The following ABCA13 variants were observed in gnomAD, a reference collection of about 807,000 sequenced individuals.
ABCA13 encodes the protein ATP-binding cassette sub-family A member 13.
A neutral mutation model predicts 478.7 loss-of-function variants in ABCA13; 476 were observed. That is an observed-to-expected ratio of 0.99 (90% CI 0.92 to 1.07). The LOEUF is 1.07. Among genes scored for constraint, ABCA13 ranks in the 50% least tolerant of loss-of-function variants. ABCA13 has a pLI of 0.00. For synonymous variants in ABCA13, 2,252 were observed against 2,158.9 expected, an observed-to-expected ratio of 1.04 and a Z score of -1.20; for missense variants, 6,060 against 5,910.6, an observed-to-expected ratio of 1.03 and a Z score of -0.83.
intron 14 of ABCA13, 44 bp from the exon 15 acceptor site, chr7:48,249,168 T>C: frequency 1.3e-6 from 2 of 1,551,922 alleles, no homozygotes; most frequent in Non-Finnish European, 1.8e-6. Context: ...ATCTGCAAGA[T>C]CATTTTTAAA....
chr7:48,496,538 T>G (rs1425527053), intron 48 of ABCA13, among the ~76,000 whole-genome samples: 2 of 152,158 alleles, frequency 1.3e-5, no homozygotes, highest in Non-Finnish European at 2.9e-5. Context: ...GATGTTCATC[T>G]TTCCTTTTGT....
chr7:48,362,892 A>C (rs1314919040), intron 31 of ABCA13, among the ~76,000 whole-genome samples: 1 of 152,140 alleles, frequency 6.6e-6, no homozygotes, highest in East Asian at 1.9e-4. Context: ...TATTTTAAAA[A>C]ATAGTATTTG....
chr7:48,287,057 A>G (rs1797866013), intron 19 of ABCA13, among the ~76,000 whole-genome samples: 2 of 151,922 alleles, frequency 1.3e-5, no homozygotes, highest in Non-Finnish European at 2.9e-5. Flanking sequence ...AGGTGAGCAC[A>G]CAGGCATCTG....
At position 48,319,857 on chromosome 7, in the gene ABCA13, A is replaced by G. The variant is rs369490147; in HGVS notation, c.9999+2561A>G. ...AGACTTGAGTAGATCCGTGATTTTC[A>G]GTCATCTGGGAGACGGCTCTTCATG... On this transcript the variant is annotated intron_variant, in intron 27 of 61. Coordinates refer to ENST00000435803, the MANE Select transcript of ABCA13 (RefSeq NM_152701.5). 3.3e-5 allele frequency among the ~76,000 whole-genome samples: 5 copies of G among 152,114 alleles called. No homozygotes were observed. In the East Asian group the frequency reaches 9.6e-4, roughly 29 times the overall value.
chr7:48,329,591 A>G (rs1264489940), intron 27 of ABCA13, among the ~76,000 whole-genome samples: 3 of 151,852 alleles, frequency 2.0e-5, no homozygotes, highest in Non-Finnish European at 4.4e-5. Context: ...TTATCTATTC[A>G]TCCATCCACA....
At chr7:48,598,069 C>T (rs1790482785) in intron 58 of ABCA13, among the ~76,000 whole-genome samples, 1 of 152,246 alleles carries the variant, frequency 6.6e-6, no homozygotes. Flanking sequence ...TGTTTCTCTG[C>T]CCTAAAAATT....
In ABCA13 at chr7:48,352,165, C is replaced by T; in HGVS notation, c.10382-16C>T. Reference sequence around the variant, plus strand: ...TACAGTGTGGTAATGCTTCGTTTTTCCTTTTCTGCCACTAGGTATCATTTT... The same window carrying T: ...TACAGTGTGGTAATGCTTCGTTTTTTCTTTTCTGCCACTAGGTATCATTTT... On this transcript the variant is annotated splice_polypyrimidine_tract_variant and intron_variant, in intron 30 of 61. Coordinates refer to ENST00000435803, the MANE Select transcript of ABCA13 (RefSeq NM_152701.5). 1 of 1,590,566 alleles carries T rather than the reference C, an allele frequency of 6.3e-7. No individual in the cohort carries two copies.
At chr7:48,609,360 T>G (rs985076358) in intron 58 of ABCA13, among the ~76,000 whole-genome samples, 5 of 152,166 alleles carry the variant, frequency 3.3e-5, no homozygotes, top group Non-Finnish European at 1.5e-5. Context: ...AGTACAAAGG[T>G]CAAAATTACT....
At chr7:48,406,808 G>A (rs866962194) in intron 39 of ABCA13, among the ~76,000 whole-genome samples, 1 of 152,122 alleles carries the variant, frequency 6.6e-6, no homozygotes, top group African/African-American at 2.4e-5. Flanking sequence ...GGGAGGCAGA[G>A]GTTGCAGTGA....
intron 45 of ABCA13, among the ~76,000 whole-genome samples, chr7:48,473,302 C>A (rs561345335): frequency 4.2e-4 from 64 of 152,244 alleles, no homozygotes; most frequent in African/African-American, 1.5e-3. Context: ...ATGTTCCAAG[C>A]AAGCTCCCCG....
intron 53 of ABCA13, 71 bp downstream of exon 53, chr7:48,520,365 C>T: frequency 6.8e-7 from 1 of 1,471,342 alleles, no homozygotes; most frequent in Non-Finnish European, 9.1e-7. Context: ...AAAATTCATC[C>T]TGGAGGTTGT....
chr7:48,199,522 C>T (rs550070605), intron 3 of ABCA13, among the ~76,000 whole-genome samples: 32 of 152,262 alleles, frequency 2.1e-4, no homozygotes, highest in African/African-American at 4.3e-4. Flanking sequence ...CAATCACCTC[C>T]GCTATATCAT....
chr7:48,635,677 C>G (rs986419265), intron 59 of ABCA13, among the ~76,000 whole-genome samples: 1 of 152,178 alleles, frequency 6.6e-6, no homozygotes, highest in African/African-American at 2.4e-5. Context: ...GGGAAGACAG[C>G]TCACTTACAG....
intron 9 of ABCA13, among the ~76,000 whole-genome samples, chr7:48,240,273 A>G (rs1202866291): frequency 6.6e-6 from 1 of 152,260 alleles, no homozygotes; most frequent in Non-Finnish European, 1.5e-5. Flanking sequence ...CCAATGGTCT[A>G]GTGGACACAC....
chr7:48,392,386 G>GT (rs1431031024), intron 38 of ABCA13, among the ~76,000 whole-genome samples: 1 of 152,202 alleles, frequency 6.6e-6, no homozygotes, highest in Non-Finnish European at 1.5e-5. Context: ...ATGAGCACAT[G>GT]TAAGCACAGA....
chr7:48,569,989 G>T (rs1787452554), intron 55 of ABCA13, among the ~76,000 whole-genome samples: 1 of 151,970 alleles, frequency 6.6e-6, no homozygotes. Context: ...TTGTTGTATT[G>T]TTCCAATCTC....
At chr7:48,326,519 A>G (rs535195131) in intron 27 of ABCA13, among the ~76,000 whole-genome samples, 3 of 152,356 alleles carry the variant, frequency 2.0e-5, no homozygotes, top group African/African-American at 7.2e-5. Flanking sequence ...TGACACCGCT[A>G]AGAGCTAATG....
intron 42 of ABCA13, among the ~76,000 whole-genome samples, chr7:48,443,984 A>G (rs1417437117): frequency 6.6e-6 from 1 of 151,856 alleles, no homozygotes; most frequent in Non-Finnish European, 1.5e-5. Context: ...AGGAGGAAAC[A>G]CCCTCTTTCC....
chr7:48,246,826 A>G (rs1020391552), intron 13 of ABCA13, among the ~76,000 whole-genome samples: 19 of 152,222 alleles, frequency 1.2e-4, no homozygotes, highest in Non-Finnish European at 2.4e-4. Flanking sequence ...AACAACAGTG[A>G]GAGCCTTGGA....
Sources: gnomAD v4.1 joint callset for allele counts (sites outside exome capture counted in the v4.1 genomes callset) on GRCh38, gnomAD v4.1.1 for gene constraint, MANE v1.5 for transcripts, NCBI Gene and HGNC (gene_info 2026-07-23, HGNC 2026-07-21) for gene names.